The following SCLY variants were observed in gnomAD, a reference collection of about 807,000 sequenced individuals.
SCLY encodes the protein selenocysteine lyase, also known as putative selenocysteine lyase.
Under a neutral mutation model 50.1 loss-of-function variants are expected in SCLY, and 38 were observed. That is an observed-to-expected ratio of 0.76 (90% CI 0.59 to 0.99). SCLY has a LOEUF of 0.99. Ranked by LOEUF, SCLY falls within the 50% of genes least tolerant of loss-of-function variation. The pLI, the probability that SCLY is intolerant of heterozygous loss-of-function variation, is 0.00. For synonymous variants in SCLY, 243 were observed against 249.4 expected (o/e 0.97, Z 0.24); for missense variants, 600 against 620.0 (o/e 0.97, Z 0.34).
intron 3 of SCLY, 199 bp downstream of exon 3, chr2:238,068,364 C>A: frequency 7.9e-6 from 3 of 380,346 alleles, no homozygotes; most frequent in Non-Finnish European, 9.3e-6. Context: ...CCCTGAGCAA[C>A]ATAGGGAAAG....
At chr2:238,061,175 G>C (rs1324906511) in intron 1 of SCLY, 32 bp downstream of exon 1, 2 of 1,448,026 alleles carry the variant, frequency 1.4e-6, no homozygotes, top group Admixed American at 2.0e-5. Flanking sequence ...CTGGGGAGCG[G>C]CCGGCGCCTG....
At position 238,073,010 on chromosome 2, in the gene SCLY, T is replaced by G. The variant is rs895221453; in HGVS notation, c.484+3533T>G. ...TATAGTTTTAGCTCTTACATTTAAA[T>G]CTGTGGTACATTTTGAGTTAATTTT... On this transcript the variant is annotated intron_variant, in intron 4 of 11. Transcript: ENST00000254663. Among the ~76,000 whole-genome samples, 3 of 152,258 alleles carry G rather than the reference T, an allele frequency of 2.0e-5. No homozygotes were observed. In the East Asian group the frequency reaches 5.8e-4, roughly 29 times the overall value.
At chr2:238,092,038 A>G (rs533631298) in intron 8 of SCLY, 1 of 152,432 alleles carries the variant, frequency 6.6e-6, no homozygotes, top group East Asian at 1.9e-4. Flanking sequence ...TAGAATATTC[A>G]AAATTATATT....
chr2:238,090,612 G>A (rs188821337), intron 7 of SCLY, among the ~76,000 whole-genome samples: 1 of 152,188 alleles, frequency 6.6e-6, no homozygotes, highest in Non-Finnish European at 1.5e-5. Context: ...CTCCAGCCTG[G>A]GCAACAGAAC....
Position 238,069,502 on chromosome 2 carries a change from G to C in SCLY, c.484+25G>C. 3.2e-6 allele frequency: 5 copies of C among 1,581,022 alleles called. No homozygotes were observed. The highest frequency in any genetic ancestry group is 3.4e-6 in the Non-Finnish European group (4 of 1,164,740). ...GGTGAGTGAGTGCAGGGTGGCCCTG[G>C]GACCAGCCTGCTGAGCTCCAGCTGC... On this transcript the variant is annotated intron_variant, in intron 4 of 11. Transcript: ENST00000254663. This position sits in a 1 kb window ranked among gnomAD's most constrained non-coding sequence, Gnocchi z 5.0.
chr2:238,088,171 G>A (rs922278521), intron 7 of SCLY, among the ~76,000 whole-genome samples: 2 of 152,134 alleles, frequency 1.3e-5, no homozygotes, highest in Admixed American at 6.6e-5. Flanking sequence ...TATTCAAAAT[G>A]CGATCTAGAG....
intron 4 of SCLY, among the ~76,000 whole-genome samples, chr2:238,076,100 ATT>A (rs71402761): frequency 4.9e-4 from 52 of 106,154 alleles, no homozygotes; most frequent in Non-Finnish European, 5.3e-4. Flanking sequence ...TATGATTTGT[ATT>A]TTTTTTTTTT....
intron 1 of SCLY, among the ~76,000 whole-genome samples, chr2:238,062,198 C>T (rs1307266378): frequency 1.3e-5 from 2 of 152,136 alleles, no homozygotes; most frequent in African/African-American, 4.8e-5. Context: ...ATTTGTTCAG[C>T]CCAGCAGCAG....
chr2:238,089,853 C>G (rs778346886), intron 7 of SCLY, among the ~76,000 whole-genome samples: 2 of 152,042 alleles, frequency 1.3e-5, no homozygotes, highest in African/African-American at 2.4e-5. Context: ...TCTTCAAGTT[C>G]TAGGACTAGG....
At chr2:238,098,133 G>A (rs1282415355) in intron 11 of SCLY, 69 bp from the exon 12 acceptor site, 4 of 1,560,130 alleles carry the variant, frequency 2.6e-6, no homozygotes, top group East Asian at 2.3e-5. Context: ...GAGTGGTCCA[G>A]AGCAGGGGGG....
At position 238,082,037 on chromosome 2, in the gene SCLY, C is replaced by T. The variant is rs1489412195; in HGVS notation, c.613-8C>T. On this transcript the variant is annotated splice_region_variant and splice_polypyrimidine_tract_variant and intron_variant, in intron 5 of 11. Coordinates refer to ENST00000254663, the MANE Select transcript of SCLY (RefSeq NM_016510.7). ...GCAACATACTCAACTGTTTCCTTTCCCCGTCAGCCTGTCCCTGAAATCAGT... is the reference window on the plus strand; with the variant it reads ...GCAACATACTCAACTGTTTCCTTTCTCCGTCAGCCTGTCCCTGAAATCAGT... 2.5e-6 allele frequency: 4 copies of T among 1,609,178 alleles called. No homozygotes were observed. Among genetic ancestry groups the T allele is most frequent in the African/African-American group, 1.3e-5 (1 of 74,874 alleles).
intron 4 of SCLY, among the ~76,000 whole-genome samples, chr2:238,076,284 G>A (rs2065173197): frequency 6.6e-6 from 1 of 151,986 alleles, no homozygotes. Flanking sequence ...TAGAGACGGG[G>A]TTTTGCCATG....
chr2:238,071,803 G>T (rs2065130553), intron 4 of SCLY, among the ~76,000 whole-genome samples: 1 of 152,008 alleles, frequency 6.6e-6, no homozygotes, highest in South Asian at 2.1e-4. Context: ...TAAAAATAAG[G>T]ACTTGGACCT....
chr2:238,087,920 C>T (rs1052590552), intron 7 of SCLY, among the ~76,000 whole-genome samples: 3 of 151,922 alleles, frequency 2.0e-5, no homozygotes, highest in Non-Finnish European at 4.4e-5. Flanking sequence ...CATAGTGAGA[C>T]CCCTCTACAA....
Position 238,068,121 on chromosome 2 carries a change from G to C in SCLY, c.259G>C (p.Gly87Arg), listed in dbSNP as rs535872199. 7 of 1,611,560 alleles carry C rather than the reference G, an allele frequency of 4.3e-6. No homozygotes were observed. The highest frequency in any genetic ancestry group is 2.2e-5 in the South Asian group (2 of 90,354). Residue 87 changes from glycine to arginine, a missense_variant, in exon 3 of 12, where the codon GGG becomes CGG. Physicochemically the swap from Gly to Arg is moderately radical, Grantham distance 125. Transcript: ENST00000254663. ...AARESLAKMI[G>R]GKPQDIIFTS... ...TCGGGAAAGCCTCGCGAAGATGATA[G>C]GGGGGAAACCTCAAGATATAATCTT...
At chr2:238,061,362 C>T (rs2065015783) in intron 1 of SCLY, 1 of 693,690 alleles carries the variant, frequency 1.4e-6, no homozygotes, top group Non-Finnish European at 2.7e-6. Flanking sequence ...GACTTTGGGG[C>T]CGAAACCCGA....
intron 10 of SCLY, among the ~76,000 whole-genome samples, 177 bp from the exon 11 acceptor site, chr2:238,096,624 G>A (rs973947968): frequency 8.5e-5 from 13 of 152,246 alleles, no homozygotes; most frequent in African/African-American, 2.7e-4. Flanking sequence ...GAAAGGAAGC[G>A]TTTTCTTCGG....
At chr2:238,082,706 G>A (rs1302093210) in intron 6 of SCLY, 1 of 180,012 alleles carries the variant, frequency 5.6e-6, no homozygotes, top group African/African-American at 2.4e-5. Context: ...TGAAAATTTT[G>A]CACATCTTTC....
intron 1 of SCLY, among the ~76,000 whole-genome samples, chr2:238,062,770 C>T (rs2065030125): frequency 6.6e-6 from 1 of 152,254 alleles, no homozygotes; most frequent in South Asian, 2.1e-4. Context: ...ATTCTGTCCA[C>T]ACTCAGTGGC....
Sources: allele counts gnomAD v4.1 joint callset (sites outside exome capture counted in the v4.1 genomes callset), GRCh38; gene constraint gnomAD v4.1.1; non-coding constraint Gnocchi (gnomAD v3.1); transcripts MANE v1.5; gene names NCBI Gene and HGNC (gene_info 2026-07-23, HGNC 2026-07-21).